Variants in MACROD2 observed in about 807,000 individuals in gnomAD.
MACROD2 encodes the protein mono-ADP ribosylhydrolase 2.
Under a neutral mutation model 70.4 loss-of-function variants are expected in MACROD2, and 36 were observed. The ratio of observed to expected loss-of-function variants is 0.51; its 90% CI spans 0.39 to 0.68. The LOEUF (loss-of-function observed/expected upper bound fraction) is 0.68, where lower values mean the gene tolerates loss of function less well. MACROD2 is among the 30% of genes least tolerant of loss of function. The pLI is 0.00. For synonymous variants in MACROD2, 172 were observed against 178.8 expected (o/e 0.96, Z 0.30); for missense variants, 496 against 538.4 (o/e 0.92, Z 0.78).
intron 5 of MACROD2, among the ~76,000 whole-genome samples, chr20:14,890,879 T>A (rs969087115): frequency 3.9e-5 from 6 of 151,948 alleles, no homozygotes; most frequent in African/African-American, 1.5e-4. Flanking sequence ...CATGGGTGGA[T>A]TGCTGGCAGC....
intron 8 of MACROD2, among the ~76,000 whole-genome samples, chr20:15,659,040 A>G (rs1022795957): frequency 1.3e-5 from 2 of 152,144 alleles, no homozygotes; most frequent in African/African-American, 4.8e-5. Context: ...TCTTAGGTAA[A>G]TATGTAAAAT....
intron 3 of MACROD2, among the ~76,000 whole-genome samples, chr20:14,322,407 C>CTT (rs201800951): frequency 0.37 from 49,424 of 133,750 alleles, 10,056 homozygotes; most frequent in Non-Finnish European, 0.47. Flanking sequence ...AATATAATCT[C>CTT]TTTTTTTTTT....
intron 6 of MACROD2, among the ~76,000 whole-genome samples, chr20:15,235,087 AT>A (rs1265952661): frequency 2.0e-5 from 3 of 152,204 alleles, no homozygotes; most frequent in Non-Finnish European, 4.4e-5. Context: ...CATATTAGGT[AT>A]TTGAGAAAAC....
rs192587603 is a variant in MACROD2, at chr20:14,091,824, T to C, written c.271+6096T>C. Among the ~76,000 whole-genome samples, 96 of 152,312 alleles carry C rather than the reference T, an allele frequency of 6.3e-4. 1 individual carries two copies. Among genetic ancestry groups the C allele is most frequent in the African/African-American group, 2.1e-3 (89 of 41,580 alleles). ...CATTGTATGGATGTACCAGAGTTTG[T>C]TCAACCATTCACCCATTGAGGGACA... On this transcript the variant is annotated intron_variant, in intron 3 of 17. Transcript: ENST00000684519.
intron 9 of MACROD2, among the ~76,000 whole-genome samples, chr20:15,881,368 A>T (rs928320788): frequency 2.6e-5 from 4 of 151,940 alleles, no homozygotes; most frequent in African/African-American, 9.7e-5. Context: ...GGGTCTAGGG[A>T]TAGGGTGCTG....
intron 8 of MACROD2, among the ~76,000 whole-genome samples, chr20:15,664,869 G>A (rs982820265): frequency 6.6e-6 from 1 of 152,124 alleles, no homozygotes; most frequent in African/African-American, 2.4e-5. Context: ...ACCTTCAGTG[G>A]GAGGAACCAC....
At chr20:14,239,719 ACTATAAAAACCATGGAAGGTAAT>A (rs1347610548) in intron 3 of MACROD2, among the ~76,000 whole-genome samples, 1 of 152,194 alleles carries the variant, frequency 6.6e-6, no homozygotes, top group African/African-American at 2.4e-5. Flanking sequence ...AAAACCTGAA[ACTATAAAAACCATGGAAGGTAAT>A]CTAGGAAATA....
intron 4 of MACROD2, among the ~76,000 whole-genome samples, chr20:14,574,210 TC>T (rs1375871258): frequency 6.6e-6 from 1 of 152,150 alleles, no homozygotes; most frequent in Non-Finnish European, 1.5e-5. Context: ...GTATCTTCTT[TC>T]TGCTCTCGTT....
At chr20:14,646,176 A>C (rs1370318931) in intron 4 of MACROD2, among the ~76,000 whole-genome samples, 1 of 151,974 alleles carries the variant, frequency 6.6e-6, no homozygotes, top group Non-Finnish European at 1.5e-5. Flanking sequence ...TTGATGAATT[A>C]CAATGCAATT....
intron 8 of MACROD2, among the ~76,000 whole-genome samples, chr20:15,689,445 G>A (rs1159815927): frequency 6.6e-6 from 1 of 152,168 alleles, no homozygotes; most frequent in Non-Finnish European, 1.5e-5. Context: ...ACAGCATTGT[G>A]ATTGTAATAG....
At chr20:14,440,772 A>G (rs1568612959) in intron 3 of MACROD2, among the ~76,000 whole-genome samples, 2 of 152,308 alleles carry the variant, frequency 1.3e-5, no homozygotes, top group East Asian at 1.9e-4. Context: ...ATACCATGGG[A>G]TCTCCAGGCC....
rs34495725 is a variant in MACROD2, at chr20:15,610,991, C to CTTTTTTTTTTTT, written c.645+111158_645+111169dup. On this transcript the variant is annotated intron_variant, in intron 8 of 17. Transcript: ENST00000684519. ...CTTTTTATGTCTTTTAGCCAAAAAT[C>CTTTTTTTTTTTT]TTTTTTTTTTTTTTTTTTTTTTTTT... 5.8e-4 allele frequency among the ~76,000 whole-genome samples: 35 copies of CTTTTTTTTTTTT among 60,118 alleles called. 4 individuals carry two copies. Among genetic ancestry groups the CTTTTTTTTTTTT allele is most frequent in the African/African-American group, 1.7e-3 (27 of 16,028 alleles). The allele number at this position is 60,118 out of a possible 152,430, so 39.4% of individuals were successfully genotyped here. A position where few individuals can be genotyped will look rare whatever the true frequency, so the allele number is the denominator to read the frequency against.
intron 2 of MACROD2, among the ~76,000 whole-genome samples, chr20:14,038,862 T>C (rs924659413): frequency 2.0e-5 from 3 of 152,204 alleles, no homozygotes; most frequent in South Asian, 4.1e-4. Context: ...TCTGCTTGTT[T>C]CCATATTTGC....
intron 3 of MACROD2, among the ~76,000 whole-genome samples, chr20:14,299,648 C>G (rs1394024826): frequency 6.6e-6 from 1 of 152,118 alleles, no homozygotes; most frequent in Non-Finnish European, 1.5e-5. Context: ...TGAGGTATGC[C>G]TGTACATGGG....
intron 4 of MACROD2, among the ~76,000 whole-genome samples, chr20:14,553,093 T>A (rs771426706): frequency 2.0e-5 from 3 of 152,010 alleles, no homozygotes; most frequent in Non-Finnish European, 2.9e-5. Flanking sequence ...AATACTTAGA[T>A]TAAAACACAA....
At chr20:14,031,087 C>T (rs867370864) in intron 2 of MACROD2, among the ~76,000 whole-genome samples, 1 of 152,168 alleles carries the variant, frequency 6.6e-6, no homozygotes, top group Non-Finnish European at 1.5e-5. Flanking sequence ...CAGCTCTAGC[C>T]TGGGATTTTA....
intron 8 of MACROD2, among the ~76,000 whole-genome samples, chr20:15,781,180 C>G (rs1010527356): frequency 6.6e-6 from 1 of 152,130 alleles, no homozygotes; most frequent in African/African-American, 2.4e-5. Context: ...TGTGGAGACA[C>G]AGAGAGCATA....
At chr20:15,035,545 T>TCC in intron 5 of MACROD2, among the ~76,000 whole-genome samples, 1 of 152,168 alleles carries the variant, frequency 6.6e-6, no homozygotes, top group Non-Finnish European at 1.5e-5. Flanking sequence ...ACTCACCCTT[T>TCC]CCCCACCCAT....
intron 2 of MACROD2, among the ~76,000 whole-genome samples, chr20:14,021,530 C>T (rs560619470): frequency 6.6e-6 from 1 of 152,284 alleles, no homozygotes; most frequent in African/African-American, 2.4e-5. Context: ...CTTTCCTGCT[C>T]TTTGACTGTT....
Sources: gnomAD v4.1 joint callset for allele counts (sites outside exome capture counted in the v4.1 genomes callset) on GRCh38, gnomAD v4.1.1 for gene constraint, MANE v1.5 for transcripts, NCBI Gene and HGNC (gene_info 2026-07-23, HGNC 2026-07-21) for gene names.